Variants in TLE1 observed in about 807,000 individuals in gnomAD.
TLE1 encodes transducin-like enhancer protein 1.
In TLE1, 21 loss-of-function variants were observed where a neutral mutation model predicts 89.8. That is an observed-to-expected ratio of 0.23 (90% confidence interval 0.17 to 0.34). The LOEUF (loss-of-function observed/expected upper bound fraction) is 0.34, where lower values mean the gene tolerates loss of function less well. Ranked by LOEUF, TLE1 falls within the 10% of genes least tolerant of loss-of-function variation. TLE1 has a pLI of 1.00. For missense variants in TLE1, 795 were observed against 1,031.2 expected (o/e 0.77, Z 3.14); for synonymous variants, 447 against 407.6 (o/e 1.10, Z -1.16).
At position 81,652,202 on chromosome 9, in the gene TLE1, T is replaced by G; in HGVS notation, c.372+12A>C. On this transcript the variant is annotated intron_variant, in intron 6 of 19. Transcript: ENST00000376499. ...TACACACTGTAGGAGGTAGACCTGG[T>G]AGGCCACGTACCCCGATGATGGCAT... is the stretch of plus-strand genomic sequence containing the variant. 1 of 1,613,380 alleles carries G rather than the reference T, an allele frequency of 6.2e-7. No homozygotes were observed. The highest frequency in any genetic ancestry group is 1.1e-5 in the South Asian group (1 of 91,050).
intron 6 of TLE1, among the ~76,000 whole-genome samples, chr9:81,635,679 C>T (rs904408973): frequency 7.9e-5 from 12 of 152,144 alleles, no homozygotes; most frequent in Admixed American, 2.0e-4. Context: ...TATCCCTTTG[C>T]GTGCACTGAA....
At chr9:81,591,777 A>G (rs1479325744) in intron 15 of TLE1, among the ~76,000 whole-genome samples, 1 of 152,226 alleles carries the variant, frequency 6.6e-6, no homozygotes, top group African/African-American at 2.4e-5. Flanking sequence ...CCATATTTAA[A>G]TAAGAATTTC....
At chr9:81,625,173 C>G (rs1825754931) in intron 8 of TLE1, among the ~76,000 whole-genome samples, 1 of 152,084 alleles carries the variant, frequency 6.6e-6, no homozygotes, top group Admixed American at 6.6e-5. Flanking sequence ...GGACTGGACT[C>G]TCTCTCTCAC....
At chr9:81,629,377 T>C (rs1356432929) in intron 8 of TLE1, among the ~76,000 whole-genome samples, 2 of 152,208 alleles carry the variant, frequency 1.3e-5, no homozygotes, top group Non-Finnish European at 2.9e-5. Flanking sequence ...TCTTAGGTCA[T>C]TTCATATTTC....
rs764951106 is a variant in TLE1, at chr9:81,616,731, A to G, written c.712-32T>C. ...AAAAGAAACATTAACGCCATTTACT[A>G]AAAGCTAAGAATAGGTTTGAGGCAC... is the stretch of plus-strand genomic sequence containing the variant. On this transcript the variant is annotated intron_variant, in intron 9 of 19. Coordinates refer to ENST00000376499, the MANE Select transcript of TLE1 (RefSeq NM_005077.5). 36 of 1,612,844 alleles carry G rather than the reference A, an allele frequency of 2.2e-5. 1 individual carries two copies. The South Asian group carries it at 3.7e-4, about 17-fold the overall frequency.
intron 6 of TLE1, among the ~76,000 whole-genome samples, chr9:81,640,451 T>G (rs1352055576): frequency 6.6e-6 from 1 of 151,492 alleles, no homozygotes; most frequent in Non-Finnish European, 1.5e-5. Flanking sequence ...AGGACTACAC[T>G]GGGAAATTTT....
chr9:81,671,577 G>A lies in TLE1; in HGVS notation c.234+14099C>T, dbSNP rs192662511. 2.9e-4 allele frequency among the ~76,000 whole-genome samples: 44 copies of A among 151,558 alleles called. No individual in the cohort carries two copies. The East Asian group carries it at 5.9e-3, about 20-fold the overall frequency. ...GGAGAATCGCTTGAACCCGGGAGGC[G>A]AAGCTTGCAGTGAGCCAAGATTGCG... is the stretch of plus-strand genomic sequence containing the variant. On this transcript the variant is annotated intron_variant, in intron 4 of 19. Coordinates refer to ENST00000376499, the MANE Select transcript of TLE1 (RefSeq NM_005077.5).
At position 81,684,506 on chromosome 9, in the gene TLE1, G is replaced by A. The variant is rs558503120; in HGVS notation, c.234+1170C>T. Among the ~76,000 whole-genome samples the A allele has an allele frequency of 3.2e-4, 48 of 152,234 alleles. No homozygotes were observed. The South Asian group carries it at 5.4e-3, about 17-fold the overall frequency. On this transcript the variant is annotated intron_variant, in intron 4 of 19. Coordinates refer to ENST00000376499, the MANE Select transcript of TLE1 (RefSeq NM_005077.5). ...TGATGAATTAAAAATCAAAGAGTGCGGAGTTACAAAAGCAGAATTCAACTC... is the reference window on the plus strand; with the variant it reads ...TGATGAATTAAAAATCAAAGAGTGCAGAGTTACAAAAGCAGAATTCAACTC...
At chr9:81,606,682 G>C (rs992022735) in intron 14 of TLE1, among the ~76,000 whole-genome samples, 2 of 151,850 alleles carry the variant, frequency 1.3e-5, no homozygotes, top group Non-Finnish European at 2.9e-5. Context: ...TGTAAATAAC[G>C]AGTTGATGGG....
At chr9:81,670,740 T>C (rs1588201666) in intron 4 of TLE1, among the ~76,000 whole-genome samples, 1 of 135,958 alleles carries the variant, frequency 7.4e-6, no homozygotes, top group African/African-American at 2.8e-5. Context: ...AAAAAAAAAA[T>C]CACAGCTTTT....
At chr9:81,650,696 A>C (rs530756215) in intron 6 of TLE1, among the ~76,000 whole-genome samples, 1 of 152,268 alleles carries the variant, frequency 6.6e-6, no homozygotes, top group Admixed American at 6.5e-5. Flanking sequence ...TAACAGTCAA[A>C]AATGTGATAC....
intron 4 of TLE1, among the ~76,000 whole-genome samples, chr9:81,681,027 C>A (rs918515154): frequency 6.6e-6 from 1 of 151,884 alleles, no homozygotes; most frequent in East Asian, 1.9e-4. Flanking sequence ...CTAACAGTCC[C>A]ATCTAAATAC....
chr9:81,610,138 C>T, intron 14 of TLE1, 82 bp downstream of exon 14: 2 of 1,261,022 alleles, frequency 1.6e-6, no homozygotes, highest in Non-Finnish European at 2.3e-6. Context: ...CAAGCCTGTA[C>T]TCCCTTTGGA....
chr9:81,597,572 G>A (rs1830398017), intron 14 of TLE1, among the ~76,000 whole-genome samples: 1 of 152,098 alleles, frequency 6.6e-6, no homozygotes, highest in Non-Finnish European at 1.5e-5. Context: ...CCCTCCTTAG[G>A]GGCCATACAG....
At position 81,606,986 on chromosome 9, in the gene TLE1, G is replaced by T. The variant is rs141150086; in HGVS notation, c.1331+3234C>A. The stretch of plus-strand genomic sequence containing the variant: ...TGCCTGTAGTCCCAGCACTTTGGGA[G>T]GCCATGGCAAGAGGATCACTTGAGC... On this transcript the variant is annotated intron_variant, in intron 14 of 19. Transcript: ENST00000376499. 2.3e-3 allele frequency among the ~76,000 whole-genome samples: 341 copies of T among 151,386 alleles called. 2 individuals are homozygous for T. Among genetic ancestry groups the T allele is most frequent in the African/African-American group, 7.8e-3 (320 of 41,148 alleles).
intron 19 of TLE1, 36 bp from the exon 20 acceptor site, chr9:81,584,341 G>A (rs943683465): frequency 3.7e-6 from 6 of 1,610,468 alleles, no homozygotes; most frequent in Non-Finnish European, 5.1e-6. Flanking sequence ...GTTTAATGTG[G>A]AACAACGGTA....
At chr9:81,614,556 T>C (rs2132097570) in intron 11 of TLE1, among the ~76,000 whole-genome samples, 1 of 152,318 alleles carries the variant, frequency 6.6e-6, no homozygotes, top group South Asian at 2.1e-4. Context: ...GAGAGCTCTT[T>C]CTGACCTTGG....
intron 15 of TLE1, 130 bp from the exon 16 acceptor site, chr9:81,591,182 C>T: frequency 7.9e-7 from 1 of 1,266,664 alleles, no homozygotes; most frequent in South Asian, 1.5e-5. Flanking sequence ...AGCAAGAGTT[C>T]TCTAGTCAAG....
rs565711793 is a variant in TLE1 at position 81,638,625 on chromosome 9, T to C, written c.373-4324A>G. On this transcript the variant is annotated intron_variant, in intron 6 of 19. Transcript: ENST00000376499. ...TAGCTCTGCCAATCAGGAGAATTTA[T>C]GCACACTTTTCTTTTTTTGAGACAG... Among the ~76,000 whole-genome samples, 6 of 152,302 alleles carry C rather than the reference T, an allele frequency of 3.9e-5. No individual in the cohort carries two copies. In the South Asian group the frequency reaches 1.2e-3, roughly 32 times the overall value.
Sources: gnomAD v4.1 joint callset for allele counts (sites outside exome capture counted in the v4.1 genomes callset) on GRCh38, gnomAD v4.1.1 for gene constraint, MANE v1.5 for transcripts, NCBI Gene and HGNC (gene_info 2026-07-23, HGNC 2026-07-21) for gene names.